TCF12: variants seen among roughly 807,000 people sequenced by gnomAD.
TCF12 encodes the protein DNA-binding protein HTF4.
TCF12 carries 45 observed loss-of-function variants against 86.0 expected under a neutral mutation model. The ratio of observed to expected loss-of-function variants is 0.52; its 90% CI spans 0.41 to 0.67. The LOEUF is 0.67. TCF12 is among the 30% of genes least tolerant of loss of function. The pLI is 0.00. For missense variants in TCF12, 881 were observed against 859.9 expected (o/e 1.02, Z -0.31); for synonymous variants, 330 against 299.6 (o/e 1.10, Z -1.05).
In TCF12 at chr15:56,996,957, A is replaced by G. The variant is rs141212482; in HGVS notation, c.149-66793A>G. Among the ~76,000 whole-genome samples the G allele has an allele frequency of 7.5e-3, 1,137 of 152,288 alleles. 15 individuals carry two copies. Among genetic ancestry groups the G allele is most frequent in the African/African-American group, 0.026 (1,086 of 41,554 alleles). ...CATACCAGTCAGAATGGCTTTGTTA[A>G]AAAGTCACAAAATAACAGATGCTGG... On this transcript the variant is annotated intron_variant, in intron 3 of 20. Transcript: ENST00000333725.
Position 57,274,040 on chromosome 15 carries a change from T to C in TCF12, c.1978+778T>C, listed in dbSNP as rs568823871. Among the ~76,000 whole-genome samples the C allele has an allele frequency of 7.1e-4, 108 of 152,296 alleles. 3 individuals carry two copies. The highest frequency in any genetic ancestry group is 8.3e-4 in the South Asian group (4 of 4,824). ...GAGGTTTTACCATCAAGCTTGAGTT[T>C]CTCCATATACTTATATATTGTCTTA... On this transcript the variant is annotated intron_variant, in intron 19 of 20. Coordinates refer to ENST00000333725, the MANE Select transcript of TCF12 (RefSeq NM_207037.2).
chr15:57,223,643 G>GTTTTTTTTTTTTTGTTTTTTTTTT (rs2058710220), intron 8 of TCF12, among the ~76,000 whole-genome samples: 1 of 69,666 alleles, frequency 1.4e-5, no homozygotes, highest in African/African-American at 4.9e-5. Flanking sequence ...TACCAATGAG[G>GTTTTTTTTTTTTTGTTTTTTTTTT]TTTTTTTTTT....
chr15:56,945,439 G>A (rs1305983409), intron 3 of TCF12, among the ~76,000 whole-genome samples: 1 of 151,988 alleles, frequency 6.6e-6, no homozygotes, highest in African/African-American at 2.4e-5. Flanking sequence ...CAGGACTGCA[G>A]GTAATAAATT....
At chr15:57,140,870 C>A (rs987194800) in intron 5 of TCF12, among the ~76,000 whole-genome samples, 1 of 152,154 alleles carries the variant, frequency 6.6e-6, no homozygotes, top group Non-Finnish European at 1.5e-5. Context: ...AAGTTCATTA[C>A]TTCCCTTTTT....
rs1242765033 is a variant in TCF12 at position 57,289,649 on chromosome 15, C to G, written c.*3504C>G. On this transcript the variant is annotated 3_prime_UTR_variant, in exon 21 of 21. Coordinates refer to ENST00000333725, the MANE Select transcript of TCF12 (RefSeq NM_207037.2). ...TCTGTGTGTGTGTGACTTAAAGAAT[C>G]TTAAGCTTTGGCATTAAATAGTCCT... 1 of 151,674 alleles carries G rather than the reference C, an allele frequency of 6.6e-6. No homozygotes were observed. Among genetic ancestry groups the G allele is most frequent in the East Asian group, 1.9e-4 (1 of 5,184 alleles). The allele number at this position is 151,674 out of a possible 1,614,324, so 9.4% of individuals were successfully genotyped here. A position where few individuals can be genotyped will look rare whatever the true frequency, so the allele number is the denominator to read the frequency against.
At chr15:57,140,159 G>A (rs1469942292) in intron 5 of TCF12, among the ~76,000 whole-genome samples, 1 of 152,188 alleles carries the variant, frequency 6.6e-6, no homozygotes, top group Non-Finnish European at 1.5e-5. Flanking sequence ...AACCAAGTGT[G>A]TGTTGATGAA....
At chr15:57,102,319 C>T (rs117763605) in intron 5 of TCF12, among the ~76,000 whole-genome samples, 6,103 of 152,232 alleles carry the variant, frequency 0.04, 372 homozygotes, top group Admixed American at 0.17. Context: ...TACATATGGC[C>T]GGGCGTGGTG....
chr15:57,068,598 C>T (rs1429656126), intron 4 of TCF12, among the ~76,000 whole-genome samples: 2 of 152,160 alleles, frequency 1.3e-5, no homozygotes, highest in Non-Finnish European at 2.9e-5. Flanking sequence ...ACACCTTATA[C>T]ATGATGAGTG....
At chr15:57,272,042 C>T (rs1270002541) in intron 18 of TCF12, among the ~76,000 whole-genome samples, 1 of 152,094 alleles carries the variant, frequency 6.6e-6, no homozygotes, top group Non-Finnish European at 1.5e-5. Flanking sequence ...TCTAGAAGTT[C>T]ATGTAAATGG....
chr15:57,006,248 G>A (rs185790720), intron 3 of TCF12, among the ~76,000 whole-genome samples: 258 of 152,062 alleles, frequency 1.7e-3, no homozygotes, highest in African/African-American at 6.0e-3. Flanking sequence ...TTATTCTCAC[G>A]GACTATACTT....
chr15:57,190,072 A>T (rs890203959), intron 6 of TCF12, among the ~76,000 whole-genome samples: 1 of 152,188 alleles, frequency 6.6e-6, no homozygotes, highest in African/African-American at 2.4e-5. Flanking sequence ...GCCATGGGCT[A>T]GGGGAGGGTG....
At chr15:56,951,281 G>T (rs1405041968) in intron 3 of TCF12, among the ~76,000 whole-genome samples, 1 of 152,010 alleles carries the variant, frequency 6.6e-6, no homozygotes, top group Non-Finnish European at 1.5e-5. Flanking sequence ...GTTTTCATTT[G>T]TGTTTTTCTA....
intron 3 of TCF12, among the ~76,000 whole-genome samples, chr15:57,048,222 T>G (rs2067360709): frequency 6.6e-6 from 1 of 152,136 alleles, no homozygotes; most frequent in Admixed American, 6.5e-5. Context: ...GCACTCATAT[T>G]CCTCCCCTGA....
intron 6 of TCF12, among the ~76,000 whole-genome samples, chr15:57,167,073 G>A (rs1189498744): frequency 6.6e-6 from 1 of 152,146 alleles, no homozygotes; most frequent in African/African-American, 2.4e-5. Flanking sequence ...AGGAAAGGCA[G>A]AACATATTAA....
intron 3 of TCF12, among the ~76,000 whole-genome samples, chr15:56,958,695 G>GT (rs1231390586): frequency 7.0e-4 from 105 of 150,484 alleles, no homozygotes; most frequent in African/African-American, 2.5e-3. Flanking sequence ...GTGTGTGTGT[G>GT]TGTGTGTGTG....
At position 57,083,771 on chromosome 15, in the gene TCF12, A is replaced by G. The variant is rs544230699; in HGVS notation, c.223-8018A>G. On this transcript the variant is annotated intron_variant, in intron 4 of 20. Coordinates refer to ENST00000333725, the MANE Select transcript of TCF12 (RefSeq NM_207037.2). ...GGCTGATTTTCTTGTATTTTGTAGC[A>G]CCAGAGTCTCGCTATGTTGCCCTGG... is the stretch of plus-strand genomic sequence containing the variant. Among the ~76,000 whole-genome samples, 210 of 152,102 alleles carry G rather than the reference A, an allele frequency of 1.4e-3. 1 individual carries two copies. The highest frequency in any genetic ancestry group is 4.6e-4 in the Non-Finnish European group (31 of 67,984).
chr15:57,071,671 T>A (rs553051537), intron 4 of TCF12, among the ~76,000 whole-genome samples: 1 of 152,166 alleles, frequency 6.6e-6, no homozygotes, highest in Non-Finnish European at 1.5e-5. Flanking sequence ...ACTTCTTAAC[T>A]CTTTTAAGAC....
chr15:56,972,662 G>C (rs1455075760), intron 3 of TCF12, among the ~76,000 whole-genome samples: 1 of 152,098 alleles, frequency 6.6e-6, no homozygotes, highest in African/African-American at 2.4e-5. Flanking sequence ...TGAGGGATGG[G>C]AATCTGATGA....
At chr15:57,264,366 A>G (rs1462009515) in intron 18 of TCF12, among the ~76,000 whole-genome samples, 1 of 151,260 alleles carries the variant, frequency 6.6e-6, no homozygotes, top group Non-Finnish European at 1.5e-5. Flanking sequence ...ACTCCAGGCT[A>G]ATTTTTGTAG....
Sources: allele counts gnomAD v4.1 joint callset (sites outside exome capture counted in the v4.1 genomes callset), GRCh38; gene constraint gnomAD v4.1.1; transcripts MANE v1.5; gene names NCBI Gene and HGNC (gene_info 2026-07-23, HGNC 2026-07-21).